The following DGLUCY variants were observed in gnomAD, a reference collection of about 807,000 sequenced individuals.
DGLUCY encodes D-glutamate cyclase.
DGLUCY carries 58 observed loss-of-function variants against 58.5 expected under a neutral mutation model. That is an observed-to-expected ratio of 0.99 (90% CI 0.80 to 1.23). The LOEUF (loss-of-function observed/expected upper bound fraction) is 1.23, where lower values mean the gene tolerates loss of function less well. DGLUCY is among the 50% of genes most tolerant of loss of function. DGLUCY has a pLI of 0.00. For missense variants in DGLUCY, 779 were observed against 784.7 expected (o/e 0.99, Z 0.09); for synonymous variants, 325 against 314.1 (o/e 1.03, Z -0.37).
At chr14:91,183,992 T>C (rs898284946) in intron 8 of DGLUCY, among the ~76,000 whole-genome samples, 5 of 152,030 alleles carry the variant, frequency 3.3e-5, no homozygotes, top group African/African-American at 1.2e-4. Flanking sequence ...AAGGCATATG[T>C]GGCCTCCCCA....
intron 1 of DGLUCY, among the ~76,000 whole-genome samples, chr14:91,155,884 C>T (rs903218515): frequency 5.9e-5 from 9 of 152,070 alleles, no homozygotes; most frequent in Non-Finnish European, 1.2e-4. Flanking sequence ...CTCCAGAGGG[C>T]GCCATTCACA....
chr14:91,090,238 C>T (rs1175007680), intron 1 of DGLUCY, among the ~76,000 whole-genome samples: 1 of 152,150 alleles, frequency 6.6e-6, no homozygotes, highest in Admixed American at 6.5e-5. Context: ...GGAACCCCCA[C>T]AGATGAGGAA....
intron 1 of DGLUCY, among the ~76,000 whole-genome samples, chr14:91,068,339 G>T (rs958190110): frequency 6.6e-6 from 1 of 152,096 alleles, no homozygotes; most frequent in African/African-American, 2.4e-5. Context: ...GATTTCAGAG[G>T]GATGCGCATC....
intron 1 of DGLUCY, among the ~76,000 whole-genome samples, chr14:91,094,834 A>AG (rs1166178009): frequency 6.6e-6 from 1 of 152,124 alleles, no homozygotes; most frequent in Non-Finnish European, 1.5e-5. Flanking sequence ...AAAAAAAAAA[A>AG]AAAGTCTTCA....
chr14:91,176,300 A>G (rs1444171552), intron 7 of DGLUCY, among the ~76,000 whole-genome samples: 1 of 152,032 alleles, frequency 6.6e-6, no homozygotes, highest in Admixed American at 6.5e-5. Flanking sequence ...ATCTCGGTTC[A>G]CTGCAACCTC....
intron 4 of DGLUCY, among the ~76,000 whole-genome samples, chr14:91,168,425 C>A (rs2048397834): frequency 6.6e-6 from 1 of 152,162 alleles, no homozygotes; most frequent in Non-Finnish European, 1.5e-5. Context: ...CAGAAAACCC[C>A]CCAGGAACAT....
At chr14:91,160,034 C>T (rs1297124049) in intron 2 of DGLUCY, among the ~76,000 whole-genome samples, 1 of 152,130 alleles carries the variant, frequency 6.6e-6, no homozygotes, top group African/African-American at 2.4e-5. Context: ...GGAAGGGGGA[C>T]GTTCCAGGCC....
chr14:91,200,712 GACT>G (rs1232351354), intron 11 of DGLUCY, among the ~76,000 whole-genome samples: 1 of 152,086 alleles, frequency 6.6e-6, no homozygotes, highest in East Asian at 1.9e-4. Flanking sequence ...AAGTAGCTGG[GACT>G]ACAGGGTGTG....
chr14:91,215,703 C>T (rs1886414283), intron 13 of DGLUCY, 147 bp downstream of exon 13: 2 of 1,550,210 alleles, frequency 1.3e-6, no homozygotes, highest in South Asian at 1.2e-5. Context: ...GCAGAGGTCT[C>T]CTGGATTGGG....
chr14:91,180,181 C>T (rs1415148462), intron 7 of DGLUCY, among the ~76,000 whole-genome samples: 3 of 151,900 alleles, frequency 2.0e-5, no homozygotes, highest in Non-Finnish European at 4.4e-5. Context: ...TGAGCCACTG[C>T]GCCCTGCCTG....
intron 1 of DGLUCY, among the ~76,000 whole-genome samples, chr14:91,117,477 C>T (rs904123288): frequency 1.7e-4 from 26 of 152,142 alleles, no homozygotes; most frequent in Non-Finnish European, 1.8e-4. Context: ...GCTGGTTTGG[C>T]CACTCAATAC....
chr14:91,221,440 A>G (rs1887478994), intron 13 of DGLUCY, among the ~76,000 whole-genome samples: 1 of 151,964 alleles, frequency 6.6e-6, no homozygotes, highest in African/African-American at 2.4e-5. Flanking sequence ...GGATGCATGG[A>G]TGGATGGGTG....
At chr14:91,195,927 C>A (rs145418558) in intron 9 of DGLUCY, among the ~76,000 whole-genome samples, 60 of 152,232 alleles carry the variant, frequency 3.9e-4, no homozygotes, top group Non-Finnish European at 6.6e-4. Context: ...ACCTTGGCCT[C>A]CCAAAGTGCT....
At chr14:91,124,813 T>G (rs2045578836) in intron 1 of DGLUCY, among the ~76,000 whole-genome samples, 1 of 152,218 alleles carries the variant, frequency 6.6e-6, no homozygotes, top group Non-Finnish European at 1.5e-5. Context: ...CAAAGACCTG[T>G]GCTAACATTC....
intron 1 of DGLUCY, among the ~76,000 whole-genome samples, chr14:91,127,015 C>G (rs1466073345): frequency 6.6e-6 from 1 of 151,256 alleles, no homozygotes; most frequent in Non-Finnish European, 1.5e-5. Context: ...GCAAAGCTGG[C>G]CGATGTACAT....
intron 1 of DGLUCY, among the ~76,000 whole-genome samples, chr14:91,129,315 C>G (rs1440995761): frequency 6.6e-6 from 1 of 152,152 alleles, no homozygotes; most frequent in Non-Finnish European, 1.5e-5. Context: ...TCTCCTGTCT[C>G]TACCTGAGGG....
chr14:91,210,456 T>C (rs1885497030), intron 12 of DGLUCY, among the ~76,000 whole-genome samples: 1 of 151,990 alleles, frequency 6.6e-6, no homozygotes, highest in Admixed American at 6.6e-5. Flanking sequence ...TGCTTGAGTT[T>C]AGGAGTTGGA....
intron 12 of DGLUCY, 115 bp from the exon 13 acceptor site, chr14:91,215,290 T>C: frequency 6.8e-7 from 1 of 1,479,562 alleles, no homozygotes; most frequent in East Asian, 2.3e-5. Context: ...TCCCAGATGA[T>C]ACTGGTGCTA....
intron 13 of DGLUCY, chr14:91,216,045 G>A (rs1707289719): frequency 3.8e-6 from 1 of 261,906 alleles, no homozygotes; most frequent in Non-Finnish European, 7.5e-6. Flanking sequence ...AGAATCCTGT[G>A]GGCTGGAGGC....
Sources: gnomAD v4.1 joint callset for allele counts (sites outside exome capture counted in the v4.1 genomes callset) on GRCh38, gnomAD v4.1.1 for gene constraint, MANE v1.5 for transcripts, NCBI Gene and HGNC (gene_info 2026-07-23, HGNC 2026-07-21) for gene names.